Variants in MSC observed in about 807,000 individuals in gnomAD.
The protein encoded by MSC is musculin.
In MSC, 16 loss-of-function variants were observed where a neutral mutation model predicts 14.4. The observed-to-expected ratio is 1.11, with a 90% CI of 0.75 to 1.69. The LOEUF is 1.69. Ranked by LOEUF, MSC falls within the 40% of genes most tolerant of loss-of-function variation. The pLI is 0.00. For missense variants in MSC, 320 were observed against 288.1 expected (o/e 1.11, Z -0.80); for synonymous variants, 165 against 128.5 (o/e 1.28, Z -1.92).
At position 71,842,542 on chromosome 8, in the gene MSC, G is replaced by A. The variant is rs1807405292; in HGVS notation, c.*119C>T. ...CACGATCACAGTTCCAGGGAAAGGG[G>A]AAGGGTCAAGGAGAATCCAGCGGAA... On this transcript the variant is annotated 3_prime_UTR_variant, in exon 2 of 2. Coordinates refer to ENST00000325509, the MANE Select transcript of MSC (RefSeq NM_005098.4). 1.0e-6 allele frequency: 1 copy of A among 963,728 alleles called. No homozygotes were observed. The highest frequency in any genetic ancestry group is 1.3e-5 in the South Asian group (1 of 75,740). The allele number at this position is 963,728 out of a possible 1,614,324, so 59.7% of individuals were successfully genotyped here. A position where few individuals can be genotyped will look rare whatever the true frequency, so the allele number is the denominator to read the frequency against.
chr8:71,843,055 C>T, intron 1 of MSC: 1 of 344,648 alleles, frequency 2.9e-6, no homozygotes, highest in East Asian at 7.0e-5. Flanking sequence ...CACACGCACA[C>T]ACACACACAC....
intron 1 of MSC, 162 bp downstream of exon 1, chr8:71,843,483 A>C (rs1177971345): frequency 1.0e-5 from 9 of 863,854 alleles, no homozygotes; most frequent in Non-Finnish European, 1.7e-5. Flanking sequence ...ATGGCTGGCC[A>C]CTCCCTTGAT....
At position 71,844,014 on chromosome 8, in the gene MSC, C is replaced by T. The variant is rs1391470198; in HGVS notation, c.165G>A (p.Glu55=). 6.3e-7 allele frequency: 1 copy of T among 1,576,522 alleles called. No individual in the cohort carries two copies. The highest frequency in any genetic ancestry group is 1.1e-5 in the South Asian group (1 of 87,024). ...SSAEEEDPDG[E]EERCALGTAG... ...CTGTGCCCAGAGCGCAGCGCTCCTC[C>T]TCGCCGTCGGGGTCCTCCTCCTCTG... The change falls in exon 1 of 2, where the codon GAG becomes GAA. Residue 55 remains glutamate (E), a synonymous_variant. Transcript: ENST00000325509.
chr8:71,842,885 C>T (rs1563797633), intron 1 of MSC, 138 bp from the exon 2 acceptor site: 2 of 754,736 alleles, frequency 2.6e-6, no homozygotes, highest in African/African-American at 1.7e-5. Context: ...TGCATGTCCT[C>T]TCTCTGAACT....
rs1807457924 is a variant in MSC, at chr8:71,844,090, G to T, written c.89C>A (p.Pro30His). Residue 30 changes from proline to histidine, a missense_variant, in exon 1 of 2, where the codon CCC becomes CAC. Coordinates refer to ENST00000325509, the MANE Select transcript of MSC (RefSeq NM_005098.4). ...EYPVPASKRP[P>H]LRGVERSYAS... ...GTAGCTGCGCTCTACGCCGCGGAGG[G>T]GCGGCCTCTTGGAGGCGGGGACCGG... 2.0e-6 allele frequency: 3 copies of T among 1,520,928 alleles called. No individual in the cohort carries two copies. The highest frequency in any genetic ancestry group is 2.6e-6 in the Non-Finnish European group (3 of 1,135,692). The allele number at this position is 1,520,928 out of a possible 1,614,324, so 94.2% of individuals were successfully genotyped here.
In MSC at chr8:71,842,690, C is replaced by T. The variant is rs1807409159; in HGVS notation, c.592G>A (p.Ala198Thr). 6.2e-7 allele frequency: 1 copy of T among 1,614,008 alleles called. No homozygotes were observed. Among genetic ancestry groups the T allele is most frequent in the African/African-American group, 1.3e-5 (1 of 74,912 alleles). Residue 198 changes from alanine to threonine, a missense_variant, in exon 2 of 2, where the codon GCC (alanine) becomes ACC (threonine). Physicochemically the swap from Ala to Thr is moderately conservative, Grantham distance 58. Transcript: ENST00000325509. ...GCGGTGGTTCCACATAGTCTGTTGGCTGCGGAAACTTCTTTGGTGTCAGAG... is the reference window on the plus strand; with the variant it reads ...GCGGTGGTTCCACATAGTCTGTTGGTTGCGGAAACTTCTTTGGTGTCAGAG... ...PDSDTKEVSA[A>T]NRLCGTTA
intron 1 of MSC, chr8:71,843,031 A>ACC: frequency 7.4e-6 from 2 of 268,500 alleles, no homozygotes; most frequent in South Asian, 5.7e-5. Flanking sequence ...TCCCTTCCCC[A>ACC]ACACACACAC....
Position 71,843,670 on chromosome 8 carries a change from T to C in MSC, c.509A>G (p.Asn170Ser). Residue 170 changes from asparagine to serine, a missense_variant, in exon 1 of 2, where the codon AAC becomes AGC. Transcript: ENST00000325509. Reference protein sequence around the residue: ...RQLLQEDRYENGYVHPVNLTW... With the variant: ...RQLLQEDRYESGYVHPVNLTW... ...CAGGTTCACTGGGTGCACGTAGCCG[T>C]TCTCATAGCGGTCCTCCTGCAACAG... 1 of 1,614,190 alleles carries C rather than the reference T, an allele frequency of 6.2e-7. No homozygotes were observed. The highest frequency in any genetic ancestry group is 8.5e-7 in the Non-Finnish European group (1 of 1,180,038).
At position 71,843,624 on chromosome 8, in the gene MSC, C is replaced by A; in HGVS notation, c.534+21G>T. 1.2e-6 allele frequency: 2 copies of A among 1,614,102 alleles called. 1 individual carries two copies. Among genetic ancestry groups the A allele is most frequent in the South Asian group, 2.2e-5 (2 of 91,080 alleles). On this transcript the variant is annotated intron_variant, in intron 1 of 1. Transcript: ENST00000325509. ...GTATCTCCTGGCTGCTCTCCCGAAT[C>A]CTTGCGCGCCGCGCCCCTACCAGGT...
chr8:71,842,634 A>G lies in MSC; in HGVS notation c.*27T>C. On this transcript the variant is annotated 3_prime_UTR_variant, in exon 2 of 2. Transcript: ENST00000325509. ...CCCAAACACTCGCATTTAACGAATA[A>G]TCCCATCAAGTGAGTTCCAGTCCGA... is the stretch of plus-strand genomic sequence containing the variant. The G allele has an allele frequency of 6.2e-7, 1 of 1,609,784 alleles. No individual in the cohort carries two copies. The highest frequency in any genetic ancestry group is 8.5e-7 in the Non-Finnish European group (1 of 1,176,106).
Position 71,844,341 on chromosome 8 carries a change from G to T in MSC, c.-163C>A, listed in dbSNP as rs1457165861. The stretch of plus-strand genomic sequence containing the variant: ...GGGGTGAGAAAGCGAGGTGGGTGGC[G>T]AGAGCGTGAGCGCCCCTCTGCTGAC... On this transcript the variant is annotated 5_prime_UTR_variant, in exon 1 of 2. Transcript: ENST00000325509. The T allele has an allele frequency of 2.0e-6, 2 of 1,018,804 alleles. No individual in the cohort carries two copies. The highest frequency in any genetic ancestry group is 2.0e-5 in the Admixed American group (1 of 50,396). 63.1% of individuals were successfully genotyped at this position (1,018,804 alleles called of 1,614,324 possible). A position where few individuals can be genotyped will look rare whatever the true frequency, so the allele number is the denominator to read the frequency against.
At chr8:71,843,259 C>T (rs1172837907) in intron 1 of MSC, 2 of 375,834 alleles carry the variant, frequency 5.3e-6, no homozygotes, top group South Asian at 5.0e-5. Flanking sequence ...CTCGGCCTTC[C>T]CTCCTTTAAG....
Position 71,842,545 on chromosome 8 carries a change from G to C in MSC, c.*116C>G, listed in dbSNP as rs1807405364. Reference sequence around the variant, plus strand: ...GATCACAGTTCCAGGGAAAGGGGAAGGGTCAAGGAGAATCCAGCGGAAACT... The same window carrying C: ...GATCACAGTTCCAGGGAAAGGGGAACGGTCAAGGAGAATCCAGCGGAAACT... On this transcript the variant is annotated 3_prime_UTR_variant, in exon 2 of 2. Transcript: ENST00000325509. The C allele has an allele frequency of 3.1e-6, 3 of 980,048 alleles. No homozygotes were observed. The Admixed American group carries it at 5.1e-5, about 17-fold the overall frequency. 60.7% of individuals were successfully genotyped at this position (980,048 alleles called of 1,614,324 possible).
In MSC at chr8:71,842,584, C is replaced by G; in HGVS notation, c.*77G>C. The G allele has an allele frequency of 7.3e-7, 1 of 1,368,074 alleles. No individual in the cohort carries two copies. The highest frequency in any genetic ancestry group is 1.2e-5 in the South Asian group (1 of 85,974). 84.7% of individuals were successfully genotyped at this position (1,368,074 alleles called of 1,614,324 possible). On this transcript the variant is annotated 3_prime_UTR_variant, in exon 2 of 2. Transcript: ENST00000325509. ...CCAGCGGAAACTTCTTCCCATCTCA[C>G]GAGCTCTCCCTTCTCTCCGTGGCCC...
intron 1 of MSC, chr8:71,843,082 A>ACACACACC (rs1554624671): frequency 1.6e-4 from 55 of 347,190 alleles, no homozygotes; most frequent in African/African-American, 1.1e-3. Context: ...ACACACACAC[A>ACACACACC]GTCATCCACT....
chr8:71,844,318 G>T lies in MSC; in HGVS notation c.-140C>A. The T allele has an allele frequency of 7.9e-7, 1 of 1,273,078 alleles. No individual in the cohort carries two copies. The highest frequency in any genetic ancestry group is 1.1e-6 in the Non-Finnish European group (1 of 907,160). 78.9% of individuals were successfully genotyped at this position (1,273,078 alleles called of 1,614,324 possible). ...TAAAAACCCAGGCCGGGAAGCGCGG[G>T]GTGAGAAAGCGAGGTGGGTGGCGAG... On this transcript the variant is annotated 5_prime_UTR_variant, in exon 1 of 2. Transcript: ENST00000325509.
chr8:71,843,623 T>A (rs760061961), intron 1 of MSC, 22 bp downstream of exon 1: 2 of 1,614,064 alleles, frequency 1.2e-6, no homozygotes, highest in South Asian at 2.2e-5. Flanking sequence ...CTCTCCCGAA[T>A]CCTTGCGCGC....
At position 71,842,563 on chromosome 8, in the gene MSC, C is replaced by A. The variant is rs1202692485; in HGVS notation, c.*98G>T. ...AGGGGAAGGGTCAAGGAGAATCCAG[C>A]GGAAACTTCTTCCCATCTCACGAGC... On this transcript the variant is annotated 3_prime_UTR_variant, in exon 2 of 2. Transcript: ENST00000325509. 3.5e-6 allele frequency: 4 copies of A among 1,156,102 alleles called. No homozygotes were observed. The highest frequency in any genetic ancestry group is 1.7e-5 in the Admixed American group (1 of 59,076). The allele number at this position is 1,156,102 out of a possible 1,614,324, so 71.6% of individuals were successfully genotyped here.
In MSC at chr8:71,843,461, T is replaced by G. The variant is rs1468871815; in HGVS notation, c.534+184A>C. On this transcript the variant is annotated intron_variant, in intron 1 of 1. Transcript: ENST00000325509. ...GCAAACAGACACGGAGGGTTGATTC[T>G]TCTTCAGGGAAATGGCTGGCCACTC... The G allele has an allele frequency of 3.9e-6, 3 of 767,428 alleles. No individual in the cohort carries two copies. In the African/African-American group the frequency reaches 5.1e-5, roughly 13 times the overall value. The allele number at this position is 767,428 out of a possible 1,614,324, so 47.5% of individuals were successfully genotyped here. A position where few individuals can be genotyped will look rare whatever the true frequency, so the allele number is the denominator to read the frequency against.
Sources: gnomAD v4.1 joint callset for allele counts on GRCh38, gnomAD v4.1.1 for gene constraint, MANE v1.5 for transcripts, NCBI Gene and HGNC (gene_info 2026-07-23, HGNC 2026-07-21) for gene names.